PHF21A: variants seen among roughly 807,000 people sequenced by gnomAD.
The protein encoded by PHF21A is PHD finger protein 21A.
In PHF21A, 11 loss-of-function variants were observed where a neutral mutation model predicts 82.5. The observed-to-expected ratio is 0.13, with a 90% CI of 0.08 to 0.22. PHF21A has a LOEUF of 0.22. Among genes scored for constraint, PHF21A ranks in the 10% least tolerant of loss-of-function variants. The pLI is 1.00. For missense variants in PHF21A, 579 were observed against 837.8 expected (o/e 0.69, Z 3.81); for synonymous variants, 297 against 302.8 (o/e 0.98, Z 0.20).
intron 1 of PHF21A, among the ~76,000 whole-genome samples, chr11:46,107,822 A>T (rs555847652): frequency 5.9e-5 from 9 of 152,192 alleles, no homozygotes; most frequent in Non-Finnish European, 1.2e-4. Flanking sequence ...TAATGCCAGA[A>T]AAAATGAACA....
intron 6 of PHF21A, among the ~76,000 whole-genome samples, chr11:46,006,186 G>T (rs2095290355): frequency 6.6e-6 from 1 of 152,130 alleles, no homozygotes; most frequent in South Asian, 2.1e-4. Context: ...AGAGCCAAAT[G>T]ATTTTAAAAT....
intron 6 of PHF21A, among the ~76,000 whole-genome samples, chr11:46,005,070 C>T (rs916135224): frequency 6.6e-6 from 1 of 152,136 alleles, no homozygotes; most frequent in African/African-American, 2.4e-5. Context: ...AGCAGTCCCC[C>T]ACATCAGTAA....
intron 15 of PHF21A, among the ~76,000 whole-genome samples, chr11:45,939,766 T>C (rs1217476383): frequency 7.4e-5 from 4 of 53,976 alleles, no homozygotes; most frequent in South Asian, 5.0e-4. Context: ...GAGGAGAACA[T>C]AGCCCAAAAA....
intron 6 of PHF21A, among the ~76,000 whole-genome samples, chr11:46,053,337 TAA>T (rs916550817): frequency 4.6e-5 from 7 of 152,114 alleles, no homozygotes; most frequent in African/African-American, 9.7e-5. Flanking sequence ...TCTTTTGATA[TAA>T]GTGTATAAAT....
At chr11:46,084,451 C>A (rs187488979) in intron 3 of PHF21A, 149 bp from the exon 4 acceptor site, 9 of 435,346 alleles carry the variant, frequency 2.1e-5, no homozygotes, top group Middle Eastern at 1.2e-3. Context: ...CAAAACAATT[C>A]TTCAAGTATT....
chr11:45,997,674 G>A (rs1038658261), intron 6 of PHF21A, among the ~76,000 whole-genome samples: 4 of 152,060 alleles, frequency 2.6e-5, no homozygotes, highest in Non-Finnish European at 4.4e-5. Flanking sequence ...CTATAACCAC[G>A]TTAAGAATCA....
chr11:45,934,409 G>A, intron 18 of PHF21A, 184 bp from the exon 19 acceptor site: 1 of 587,304 alleles, frequency 1.7e-6, no homozygotes, highest in Non-Finnish European at 3.0e-6. Flanking sequence ...AACAGGGCGG[G>A]TGGAGTGGGT....
intron 6 of PHF21A, among the ~76,000 whole-genome samples, chr11:46,065,784 G>A (rs887567971): frequency 6.6e-6 from 1 of 152,184 alleles, no homozygotes; most frequent in African/African-American, 2.4e-5. Context: ...TATAAAGCGG[G>A]TGTATAAGGG....
chr11:46,011,464 C>T (rs942954606), intron 6 of PHF21A, among the ~76,000 whole-genome samples: 6 of 152,070 alleles, frequency 3.9e-5, no homozygotes, highest in African/African-American at 1.4e-4. Context: ...TGCACTCCAG[C>T]CTGAGCGACA....
At chr11:46,077,994 C>T (rs938057101) in intron 5 of PHF21A, among the ~76,000 whole-genome samples, 7 of 152,140 alleles carry the variant, frequency 4.6e-5, no homozygotes, top group Non-Finnish European at 1.0e-4. Flanking sequence ...TCACTGCAAC[C>T]TCTGCCTCCC....
At chr11:45,994,678 G>A (rs187639844) in intron 6 of PHF21A, among the ~76,000 whole-genome samples, 1 of 152,210 alleles carries the variant, frequency 6.6e-6, no homozygotes, top group African/African-American at 2.4e-5. Flanking sequence ...GGGTTTTGCT[G>A]TTGCATCATT....
intron 4 of PHF21A, among the ~76,000 whole-genome samples, chr11:46,079,935 C>T (rs1018324250): frequency 6.6e-6 from 1 of 151,980 alleles, no homozygotes; most frequent in African/African-American, 2.4e-5. Flanking sequence ...TTGACCTAAC[C>T]CAACTTCTAA....
At chr11:45,937,624 G>C (rs889015462) in intron 16 of PHF21A, among the ~76,000 whole-genome samples, 4 of 152,142 alleles carry the variant, frequency 2.6e-5, no homozygotes, top group Non-Finnish European at 5.9e-5. Flanking sequence ...GGGATTACAG[G>C]CGCCTGCCAC....
At chr11:45,985,388 T>C (rs2094456863) in intron 6 of PHF21A, among the ~76,000 whole-genome samples, 1 of 152,208 alleles carries the variant, frequency 6.6e-6, no homozygotes, top group Non-Finnish European at 1.5e-5. Context: ...AAACAGAAAC[T>C]AAGTGAAGAT....
At chr11:46,053,141 T>C (rs1463028519) in intron 6 of PHF21A, among the ~76,000 whole-genome samples, 1 of 152,222 alleles carries the variant, frequency 6.6e-6, no homozygotes, top group Non-Finnish European at 1.5e-5. Flanking sequence ...AAATGTAATG[T>C]GTATTTTAGA....
At chr11:45,935,458 G>A (rs770175280) in intron 18 of PHF21A, 178 bp downstream of exon 18, 33 of 639,092 alleles carry the variant, frequency 5.2e-5, no homozygotes, top group South Asian at 3.9e-4. Context: ...CCAACTGGCC[G>A]CCTGTACCTG....
chr11:46,109,607 T>TTTA (rs1190354229), intron 1 of PHF21A, among the ~76,000 whole-genome samples: 1 of 152,152 alleles, frequency 6.6e-6, no homozygotes, highest in African/African-American at 2.4e-5. Flanking sequence ...TACATTTATA[T>TTTA]TTATAATATA....
At chr11:46,109,604 A>G (rs2097188653) in intron 1 of PHF21A, among the ~76,000 whole-genome samples, 2 of 152,202 alleles carry the variant, frequency 1.3e-5, no homozygotes, top group Non-Finnish European at 2.9e-5. Flanking sequence ...CAGTACATTT[A>G]TATTTATAAT....
chr11:45,936,422 A>G (rs1245399745), intron 17 of PHF21A, 72 bp downstream of exon 17: 1 of 892,454 alleles, frequency 1.1e-6, no homozygotes, highest in Non-Finnish European at 1.8e-6. Context: ...TTTGAGAATA[A>G]AACAAATACT....
Sources: allele counts gnomAD v4.1 joint callset (sites outside exome capture counted in the v4.1 genomes callset), GRCh38; gene constraint gnomAD v4.1.1; transcripts MANE v1.5; gene names NCBI Gene and HGNC (gene_info 2026-07-23, HGNC 2026-07-21).